DYNC2LI1: variants seen among roughly 807,000 people sequenced by gnomAD.
DYNC2LI1 encodes cytoplasmic dynein 2 light intermediate chain 1.
A neutral mutation model predicts 51.9 loss-of-function variants in DYNC2LI1; 45 were observed. The ratio of observed to expected loss-of-function variants is 0.87; its 90% CI spans 0.68 to 1.11. DYNC2LI1 has a LOEUF of 1.11. DYNC2LI1 is among the 50% of genes most tolerant of loss of function. DYNC2LI1 has a pLI of 0.00. For missense variants in DYNC2LI1, 490 were observed against 417.4 expected (o/e 1.17, Z -1.51); for synonymous variants, 130 against 137.8 (o/e 0.94, Z 0.40).
intron 4 of DYNC2LI1, among the ~76,000 whole-genome samples, chr2:43,788,923 C>G (rs538729530): frequency 1.1e-3 from 169 of 152,362 alleles, no homozygotes; most frequent in South Asian, 2.9e-3. Context: ...GTGTGAACCA[C>G]TGCACCCAAC....
intron 8 of DYNC2LI1, among the ~76,000 whole-genome samples, chr2:43,799,242 C>CA (rs1353372862): frequency 2.0e-5 from 3 of 152,110 alleles, no homozygotes; most frequent in African/African-American, 7.2e-5. Flanking sequence ...TTTGAGGCTG[C>CA]AGTGAGTTAT....
chr2:43,805,078 T>C (rs1472265679), intron 11 of DYNC2LI1, 76 bp from the exon 12 acceptor site: 2 of 915,920 alleles, frequency 2.2e-6, no homozygotes, highest in Non-Finnish European at 3.4e-6. Flanking sequence ...GAATGGGAGC[T>C]TGGTTTATTA....
At chr2:43,777,411 C>G (rs116534098) in intron 2 of DYNC2LI1, among the ~76,000 whole-genome samples, 2 of 152,144 alleles carry the variant, frequency 1.3e-5, no homozygotes, top group African/African-American at 4.8e-5. Flanking sequence ...TTTACTTGGC[C>G]AAGCATACAG....
chr2:43,815,910 G>GAAAAAA, the DYNC2LI1 span, among the ~76,000 whole-genome samples: 6 of 104,046 alleles, frequency 5.8e-5, no homozygotes, highest in Admixed American at 9.9e-5. Flanking sequence ...AACAGGAAAA[G>GAAAAAA]AAAAAAAAAA....
chr2:43,819,797 A>C, the DYNC2LI1 span: 4 of 1,089,414 alleles, frequency 3.7e-6, no homozygotes, highest in Non-Finnish European at 5.6e-6. Context: ...GCTCTAGACT[A>C]TAAGGTAATA....
intron 3 of DYNC2LI1, among the ~76,000 whole-genome samples, chr2:43,783,881 T>A (rs918310845): frequency 6.6e-6 from 1 of 152,236 alleles, no homozygotes; most frequent in Non-Finnish European, 1.5e-5. Context: ...CTACAATTAT[T>A]TGAACATTCA....
the DYNC2LI1 span, chr2:43,824,528 T>A: frequency 5.0e-6 from 8 of 1,592,784 alleles, no homozygotes; most frequent in African/African-American, 2.7e-5. Flanking sequence ...CCATAATACC[T>A]CATCCCATCA....
At chr2:43,822,468 C>CCAA in the DYNC2LI1 span, 1 of 819,746 alleles carries the variant, frequency 1.2e-6, no homozygotes, top group Non-Finnish European at 1.4e-6. Flanking sequence ...TGCTTTCTCC[C>CCAA]CTCCCCCAGG....
At chr2:43,810,318 C>T, downstream of DYNC2LI1, 1 of 975,422 alleles carries the variant, frequency 1.0e-6, no homozygotes, top group Non-Finnish European at 1.2e-6. Context: ...TTTTAATCAG[C>T]ACCAATTTCA....
chr2:43,776,552 G>A (rs1673033255), intron 1 of DYNC2LI1, among the ~76,000 whole-genome samples: 1 of 152,084 alleles, frequency 6.6e-6, no homozygotes, highest in African/African-American at 2.4e-5. Context: ...TGGCAATAAA[G>A]GCTCTGCTTA....
chr2:43,809,629 G>A, intron 12 of DYNC2LI1, 76 bp from the exon 13 acceptor site: 1 of 944,276 alleles, frequency 1.1e-6, no homozygotes, highest in Non-Finnish European at 1.7e-6. Flanking sequence ...TCTAAAAAAT[G>A]AGAAGGCAGT....
chr2:43,810,392 G>C (rs959447951), downstream of DYNC2LI1: 5 of 985,234 alleles, frequency 5.1e-6, no homozygotes, highest in Admixed American at 3.1e-4. Flanking sequence ...CACATCTAAG[G>C]AGATATCCTA....
At chr2:43,798,400 T>A (rs1193499322) in intron 8 of DYNC2LI1, among the ~76,000 whole-genome samples, 2 of 152,228 alleles carry the variant, frequency 1.3e-5, no homozygotes. Context: ...AAATGTTCTT[T>A]ACTATTTTGA....
chr2:43,803,610 A>G (rs1421560032), intron 10 of DYNC2LI1, among the ~76,000 whole-genome samples: 1 of 152,214 alleles, frequency 6.6e-6, no homozygotes. Context: ...AGTGGAATTA[A>G]GTTGGTGTCT....
chr2:43,788,715 G>A (rs1443111373), intron 4 of DYNC2LI1, among the ~76,000 whole-genome samples: 2 of 152,084 alleles, frequency 1.3e-5, no homozygotes, highest in Non-Finnish European at 2.9e-5. Flanking sequence ...AAACTCCTGG[G>A]CTCAAAGAAT....
At chr2:43,775,854 ATTTT>A (rs57868887) in intron 1 of DYNC2LI1, 216 of 50,344 alleles carry the variant, frequency 4.3e-3, no homozygotes, top group Middle Eastern at 0.019. Context: ...CACCTGGCCA[ATTTT>A]TTTTTTTTTT....
Position 43,789,669 on chromosome 2 carries a change from G to A in DYNC2LI1, c.268G>A (p.Gly90Arg). 6.2e-7 allele frequency: 1 copy of A among 1,613,890 alleles called. No homozygotes were observed. Among genetic ancestry groups the A allele is most frequent in the Non-Finnish European group, 8.5e-7 (1 of 1,179,894 alleles). ...DIAHFWELGG[G>R]TSLLDLISIP... is the part of the protein sequence containing the mutation. ...CGCTCACTTTTGGGAACTCGGTGGA[G>A]GAACCTCTTTATTGGACTTAATCAG... Residue 90 changes from glycine to arginine, a missense_variant, in exon 5 of 13, where the codon GGA becomes AGA. Physicochemically the swap from Gly to Arg is moderately radical, Grantham distance 125. Transcript: ENST00000260605.
chr2:43,801,645 A>G lies in DYNC2LI1; in HGVS notation c.738A>G (p.Ser246=). The change falls in exon 10 of 13, where the codon TCA becomes TCG. Residue 246 remains serine (S), a synonymous_variant. Transcript: ENST00000260605. ...CTTTCTCTTCTCCACGTAGCAAATC[A>G]ATATGTGTGGATCAGAATAAACCGC... is the stretch of plus-strand genomic sequence containing the variant. The part of the protein sequence containing the change: ...QLAFGIDKSK[S]ICVDQNKPLF... 6.2e-7 allele frequency: 1 copy of G among 1,608,258 alleles called. No homozygotes were observed. The highest frequency in any genetic ancestry group is 8.5e-7 in the Non-Finnish European group (1 of 1,176,952).
intron 3 of DYNC2LI1, among the ~76,000 whole-genome samples, 180 bp downstream of exon 3, chr2:43,783,734 C>A (rs887699223): frequency 2.0e-5 from 3 of 151,952 alleles, no homozygotes; most frequent in African/African-American, 7.2e-5. Context: ...AACAATAAGC[C>A]AAAAATTATA....
Sources: gnomAD v4.1 joint callset for allele counts (sites outside exome capture counted in the v4.1 genomes callset) on GRCh38, gnomAD v4.1.1 for gene constraint, MANE v1.5 for transcripts, NCBI Gene and HGNC (gene_info 2026-07-23, HGNC 2026-07-21) for gene names.